The following GALNT13 variants were observed in gnomAD, a reference collection of about 807,000 sequenced individuals.
GALNT13 encodes the protein UDP-GalNAc:polypeptide N-acetylgalactosaminyltransferase 13.
A neutral mutation model predicts 64.2 loss-of-function variants in GALNT13; 28 were observed. That is an observed-to-expected ratio of 0.44 (90% CI 0.32 to 0.60). GALNT13 has a LOEUF of 0.60. GALNT13 is among the 20% of genes least tolerant of loss of function. GALNT13 has a pLI of 0.05. For synonymous variants in GALNT13, 214 were observed against 224.6 expected, an observed-to-expected ratio of 0.95 and a Z score of 0.42; for missense variants, 577 against 669.8, an observed-to-expected ratio of 0.86 and a Z score of 1.53.
chr2:153,689,086 G>GTGTGTGT, the GALNT13 span, among the ~76,000 whole-genome samples: 1 of 149,752 alleles, frequency 6.7e-6, no homozygotes, highest in Non-Finnish European at 1.5e-5. Flanking sequence ...GTGTGTGTGT[G>GTGTGTGT]TGTGTGTGTG....
chr2:153,205,717 A>G, the GALNT13 span, among the ~76,000 whole-genome samples: 4 of 152,034 alleles, frequency 2.6e-5, no homozygotes, highest in Non-Finnish European at 5.9e-5. Flanking sequence ...ACATCTTAGT[A>G]ATTTCCATTT....
At chr2:153,948,635 G>T (rs553469064) in intron 3 of GALNT13, among the ~76,000 whole-genome samples, 2 of 152,218 alleles carry the variant, frequency 1.3e-5, no homozygotes, top group South Asian at 4.1e-4. Flanking sequence ...GCTGGATAAA[G>T]AAAATATGGT....
chr2:153,718,810 C>A, the GALNT13 span, among the ~76,000 whole-genome samples: 1 of 152,126 alleles, frequency 6.6e-6, no homozygotes, highest in Non-Finnish European at 1.5e-5. Flanking sequence ...GTCAGGTTTA[C>A]AATACACTTT....
chr2:154,219,808 A>T (rs1196405681), intron 4 of GALNT13, among the ~76,000 whole-genome samples: 1 of 152,074 alleles, frequency 6.6e-6, no homozygotes, highest in African/African-American at 2.4e-5. Context: ...CTGGGAAGTG[A>T]TCATTCCTAG....
the GALNT13 span, among the ~76,000 whole-genome samples, chr2:153,260,306 C>T: frequency 6.6e-6 from 1 of 152,200 alleles, no homozygotes; most frequent in African/African-American, 2.4e-5. Context: ...TATACCTTCA[C>T]ATGATTTCTT....
chr2:153,287,299 C>T, the GALNT13 span, among the ~76,000 whole-genome samples: 1 of 152,260 alleles, frequency 6.6e-6, no homozygotes, highest in Admixed American at 6.5e-5. Context: ...TACAAGCCCC[C>T]GAAACCCCGG....
At chr2:154,236,764 A>C (rs1460403341) in intron 4 of GALNT13, among the ~76,000 whole-genome samples, 2 of 152,080 alleles carry the variant, frequency 1.3e-5, no homozygotes, top group Non-Finnish European at 2.9e-5. Flanking sequence ...ATGTTTACAT[A>C]AAAGAAAACA....
chr2:154,235,905 T>C (rs960850562), intron 4 of GALNT13: 7 of 245,642 alleles, frequency 2.8e-5, no homozygotes, highest in African/African-American at 1.6e-4. Flanking sequence ...AATGTGTGCA[T>C]AGCCTAGGGA....
At chr2:154,433,210 G>C (rs748286022) in intron 11 of GALNT13, among the ~76,000 whole-genome samples, 9 of 152,178 alleles carry the variant, frequency 5.9e-5, no homozygotes, top group Non-Finnish European at 1.3e-4. Flanking sequence ...CACATGATAA[G>C]GCTGGCTTGT....
At chr2:153,426,230 T>C in the GALNT13 span, among the ~76,000 whole-genome samples, 3 of 151,894 alleles carry the variant, frequency 2.0e-5, no homozygotes, top group Non-Finnish European at 2.9e-5. Flanking sequence ...ATTCTCAAAA[T>C]TGATACTTGC....
the GALNT13 span, among the ~76,000 whole-genome samples, chr2:153,498,783 G>A: frequency 1.3e-5 from 2 of 152,194 alleles, no homozygotes; most frequent in Non-Finnish European, 2.9e-5. Context: ...AGCAGGGTTG[G>A]GGGGTGTGTT....
chr2:154,004,549 A>T (rs1275047439), intron 3 of GALNT13, among the ~76,000 whole-genome samples: 4 of 152,172 alleles, frequency 2.6e-5, no homozygotes, highest in Non-Finnish European at 5.9e-5. Flanking sequence ...TTCTGACAGA[A>T]CATGGAACTT....
At chr2:153,430,903 G>T in the GALNT13 span, among the ~76,000 whole-genome samples, 1 of 152,020 alleles carries the variant, frequency 6.6e-6, no homozygotes, top group Non-Finnish European at 1.5e-5. Flanking sequence ...TGTAATTCCA[G>T]CACTTTGGGA....
chr2:153,414,207 C>G, the GALNT13 span, among the ~76,000 whole-genome samples: 1 of 151,892 alleles, frequency 6.6e-6, no homozygotes, highest in Non-Finnish European at 1.5e-5. Context: ...AACCCCGTCT[C>G]TACTAAAAAA....
chr2:153,221,223 G>T, the GALNT13 span, among the ~76,000 whole-genome samples: 1 of 152,178 alleles, frequency 6.6e-6, no homozygotes, highest in Non-Finnish European at 1.5e-5. Context: ...GGAGGTTGCT[G>T]TGAGCCGAGA....
intron 4 of GALNT13, among the ~76,000 whole-genome samples, chr2:154,194,043 A>T (rs1166176750): frequency 6.6e-6 from 1 of 152,188 alleles, no homozygotes; most frequent in Non-Finnish European, 1.5e-5. Flanking sequence ...TAGACTGCAC[A>T]GCAGAATCAC....
chr2:153,381,904 A>G, the GALNT13 span, among the ~76,000 whole-genome samples: 1 of 152,110 alleles, frequency 6.6e-6, no homozygotes, highest in Non-Finnish European at 1.5e-5. Context: ...AAGCACTGTT[A>G]CACAAAGGGC....
At chr2:153,129,991 G>A in the GALNT13 span, among the ~76,000 whole-genome samples, 1 of 152,136 alleles carries the variant, frequency 6.6e-6, no homozygotes, top group African/African-American at 2.4e-5. Flanking sequence ...AGGATGACAG[G>A]CCTTTCCAGA....
At chr2:153,805,015 G>A in the GALNT13 span, among the ~76,000 whole-genome samples, 1 of 151,744 alleles carries the variant, frequency 6.6e-6, no homozygotes, top group African/African-American at 2.4e-5. Flanking sequence ...AAACACAAGA[G>A]TAAATGAGCA....
Sources: gnomAD v4.1 joint callset for allele counts (sites outside exome capture counted in the v4.1 genomes callset) on GRCh38, gnomAD v4.1.1 for gene constraint, MANE v1.5 for transcripts, NCBI Gene and HGNC (gene_info 2026-07-23, HGNC 2026-07-21) for gene names.